The following KAT14 variants were observed in gnomAD, a reference collection of about 807,000 sequenced individuals.
The protein encoded by KAT14 is lysine acetyltransferase 14.
A neutral mutation model predicts 78.4 loss-of-function variants in KAT14; 66 were observed. The ratio of observed to expected loss-of-function variants is 0.84; its 90% CI spans 0.69 to 1.03. The LOEUF is 1.03. Among genes scored for constraint, KAT14 ranks in the 50% least tolerant of loss-of-function variants. The pLI is 0.00. For missense variants in KAT14, 870 were observed against 972.5 expected (o/e 0.89, Z 1.40); for synonymous variants, 344 against 359.4 (o/e 0.96, Z 0.48).
At chr20:18,161,066 C>G (rs2038402341) in intron 5 of KAT14, among the ~76,000 whole-genome samples, 1 of 151,890 alleles carries the variant, frequency 6.6e-6, no homozygotes, top group Non-Finnish European at 1.5e-5. Context: ...CCCAGCTTCT[C>G]TGGAGGCTGA....
Position 18,145,352 on chromosome 20 carries a change from G to C in KAT14, c.378+1G>C. ...AAGGCTGAAGCTGACATGGCAGCAA[G>C]TGAGTAAAAAGCCCTTCCCCAAATC... On this transcript the variant is annotated splice_donor_variant, in intron 3 of 10. Transcript: ENST00000688188. LOFTEE classifies it high-confidence loss of function. The C allele has an allele frequency of 1.2e-6, 2 of 1,614,106 alleles. No homozygotes were observed. Among genetic ancestry groups the C allele is most frequent in the Non-Finnish European group, 8.5e-7 (1 of 1,179,996 alleles).
At chr20:18,155,818 A>C (rs2038206275) in intron 4 of KAT14, among the ~76,000 whole-genome samples, 1 of 152,192 alleles carries the variant, frequency 6.6e-6, no homozygotes, top group South Asian at 2.1e-4. Context: ...ATCGTTGTGG[A>C]AAATGGTGTG....
At chr20:18,140,405 A>G (rs2146323454) in intron 1 of KAT14, among the ~76,000 whole-genome samples, 1 of 152,332 alleles carries the variant, frequency 6.6e-6, no homozygotes, top group African/African-American at 2.4e-5. Flanking sequence ...AGTAGGTATT[A>G]TATTAGGTGA....
At chr20:18,151,488 C>T (rs1248967765) in intron 4 of KAT14, among the ~76,000 whole-genome samples, 4 of 151,100 alleles carry the variant, frequency 2.6e-5, no homozygotes, top group African/African-American at 9.8e-5. Context: ...TGAGCCACTG[C>T]GCCTGGCCTT....
intron 7 of KAT14, among the ~76,000 whole-genome samples, chr20:18,181,090 T>C (rs961954141): frequency 9.9e-5 from 15 of 152,184 alleles, no homozygotes; most frequent in African/African-American, 3.6e-4. Flanking sequence ...AAGTGAAGCC[T>C]AGAGAAGCTG....
intron 7 of KAT14, among the ~76,000 whole-genome samples, chr20:18,179,447 G>A (rs908721968): frequency 1.3e-5 from 2 of 152,204 alleles, no homozygotes; most frequent in African/African-American, 4.8e-5. Context: ...TGAAATCTAG[G>A]TGGAGGTTCC....
chr20:18,164,271 C>G (rs1204417940), intron 7 of KAT14, among the ~76,000 whole-genome samples: 5 of 152,214 alleles, frequency 3.3e-5, no homozygotes, highest in Non-Finnish European at 7.3e-5. Flanking sequence ...TCCCTGTCTT[C>G]AGTACAGTAC....
chr20:18,148,503 C>G (rs2037909607), intron 3 of KAT14, among the ~76,000 whole-genome samples: 1 of 152,284 alleles, frequency 6.6e-6, no homozygotes, highest in South Asian at 2.1e-4. Flanking sequence ...TACCTGCCAG[C>G]TCTGAGCTAG....
intron 7 of KAT14, among the ~76,000 whole-genome samples, chr20:18,173,801 A>G (rs556247096): frequency 7.2e-5 from 11 of 152,202 alleles, no homozygotes; most frequent in African/African-American, 2.4e-4. Context: ...CTTGGAGGCT[A>G]TTTCTTATGC....
At chr20:18,164,793 T>A (rs926485805) in intron 7 of KAT14, among the ~76,000 whole-genome samples, 1 of 151,898 alleles carries the variant, frequency 6.6e-6, no homozygotes, top group African/African-American at 2.4e-5. Flanking sequence ...ATTTTTTTTT[T>A]AATTTTTATT....
At chr20:18,164,465 G>A (rs1197500889) in intron 7 of KAT14, among the ~76,000 whole-genome samples, 2 of 152,166 alleles carry the variant, frequency 1.3e-5, no homozygotes, top group Non-Finnish European at 2.9e-5. Flanking sequence ...TAAGCCTGAT[G>A]CCTTAGGTGA....
chr20:18,138,112 C>A, intron 1 of KAT14, 61 bp downstream of exon 1: 1 of 1,419,322 alleles, frequency 7.0e-7, no homozygotes, highest in Non-Finnish European at 9.2e-7. Flanking sequence ...TGGGGCCTCT[C>A]GTGGTCTCTG....
At chr20:18,186,409 T>G (rs1424452655) in intron 10 of KAT14, among the ~76,000 whole-genome samples, 1 of 152,142 alleles carries the variant, frequency 6.6e-6, no homozygotes. Context: ...TGGTAAGTGC[T>G]CTCTTGTCCT....
intron 2 of KAT14, among the ~76,000 whole-genome samples, chr20:18,143,615 A>ATTTTTTTTTTTTTTTTTTTT (rs201858697): frequency 9.6e-6 from 1 of 103,998 alleles, no homozygotes; most frequent in African/African-American, 3.6e-5. Context: ...CACCTGGCTA[A>ATTTTTTTTTTTTTTTTTTTT]TTTTTTTTTT....
intron 3 of KAT14, among the ~76,000 whole-genome samples, chr20:18,146,592 G>A (rs1165767915): frequency 6.6e-6 from 1 of 152,174 alleles, no homozygotes; most frequent in Non-Finnish European, 1.5e-5. Context: ...CCAGGAGGCG[G>A]AGGTTGCAGT....
chr20:18,147,224 C>T (rs929830603), intron 3 of KAT14, among the ~76,000 whole-genome samples: 1 of 152,120 alleles, frequency 6.6e-6, no homozygotes, highest in African/African-American at 2.4e-5. Context: ...AATTAGGAAG[C>T]CTTTTCTTTG....
intron 3 of KAT14, among the ~76,000 whole-genome samples, chr20:18,146,632 C>T (rs1400604867): frequency 6.6e-6 from 1 of 152,064 alleles, no homozygotes; most frequent in East Asian, 1.9e-4. Flanking sequence ...GCACTACAGC[C>T]TAGGCAACAA....
intron 5 of KAT14, 74 bp downstream of exon 5, chr20:18,159,339 C>T (rs943200320): frequency 2.6e-6 from 4 of 1,523,570 alleles, no homozygotes. Flanking sequence ...GGAGACGCTC[C>T]TGCTTCCACT....
At position 18,148,593 on chromosome 20, in the gene KAT14, A is replaced by G. The variant is rs75044020; in HGVS notation, c.379-2228A>G. Reference sequence around the variant, plus strand: ...TGGTAACATGAGAGCAGAAAACTAAACTGGGGTTCATTTTTTTTTGTTTTT... The same window carrying G: ...TGGTAACATGAGAGCAGAAAACTAAGCTGGGGTTCATTTTTTTTTGTTTTT... On this transcript the variant is annotated intron_variant, in intron 3 of 10. Transcript: ENST00000688188. Among the ~76,000 whole-genome samples the G allele has an allele frequency of 8.7e-3, 1,312 of 151,324 alleles. 10 individuals carry two copies. Among genetic ancestry groups the G allele is most frequent in the Non-Finnish European group, 0.014 (958 of 67,876 alleles).
Sources: gnomAD v4.1 joint callset for allele counts (sites outside exome capture counted in the v4.1 genomes callset) on GRCh38, gnomAD v4.1.1 for gene constraint, MANE v1.5 for transcripts, NCBI Gene and HGNC (gene_info 2026-07-23, HGNC 2026-07-21) for gene names.